The following LRRC4C variants were observed in gnomAD, a reference collection of about 807,000 sequenced individuals.
The protein encoded by LRRC4C is leucine-rich repeat-containing protein 4C.
A neutral mutation model predicts 33.6 loss-of-function variants in LRRC4C; 5 were observed. The ratio of observed to expected loss-of-function variants is 0.15; its 90% CI spans 0.08 to 0.31. The LOEUF (loss-of-function observed/expected upper bound fraction) is 0.31. Ranked by LOEUF, LRRC4C falls within the 10% of genes least tolerant of loss-of-function variation. LRRC4C has a pLI of 1.00. For missense variants in LRRC4C, 560 were observed against 796.7 expected (o/e 0.70, Z 3.58); for synonymous variants, 329 against 302.0 (o/e 1.09, Z -0.93).
intron 1 of LRRC4C, among the ~76,000 whole-genome samples, chr11:41,219,214 T>C (rs920594955): frequency 6.6e-6 from 1 of 152,090 alleles, no homozygotes; most frequent in Non-Finnish European, 1.5e-5. Context: ...GACATTATAG[T>C]ACAGACACAA....
chr11:40,309,799 G>T (rs1041409721), intron 4 of LRRC4C, among the ~76,000 whole-genome samples: 3 of 152,094 alleles, frequency 2.0e-5, no homozygotes, highest in East Asian at 1.9e-4. Context: ...GAGACACCAT[G>T]CCCCACCAAA....
At chr11:40,931,477 T>C (rs1957620093) in intron 2 of LRRC4C, among the ~76,000 whole-genome samples, 1 of 152,156 alleles carries the variant, frequency 6.6e-6, no homozygotes. Context: ...TTTTATGTTG[T>C]CCCTTTTGTG....
chr11:40,835,683 A>T (rs1350782976), intron 2 of LRRC4C, among the ~76,000 whole-genome samples: 1 of 152,206 alleles, frequency 6.6e-6, no homozygotes, highest in African/African-American at 2.4e-5. Flanking sequence ...AATTCTAGAT[A>T]TCACAAAGAA....
At chr11:40,646,604 C>T (rs1046364598) in intron 3 of LRRC4C, among the ~76,000 whole-genome samples, 15 of 152,076 alleles carry the variant, frequency 9.9e-5, no homozygotes, top group African/African-American at 1.4e-4. Flanking sequence ...AGATTCAAAT[C>T]TTCTCTCTCT....
intron 2 of LRRC4C, among the ~76,000 whole-genome samples, chr11:40,837,342 A>T (rs896653751): frequency 6.6e-6 from 1 of 152,152 alleles, no homozygotes; most frequent in African/African-American, 2.4e-5. Flanking sequence ...GAAATTGCAT[A>T]ATGCTTATTT....
intron 3 of LRRC4C, among the ~76,000 whole-genome samples, chr11:40,531,560 T>C (rs1956273058): frequency 6.6e-6 from 1 of 152,140 alleles, no homozygotes; most frequent in African/African-American, 2.4e-5. Context: ...ATTTAGAACT[T>C]GGTTTCAGTT....
At chr11:40,936,540 G>A (rs964296937) in intron 1 of LRRC4C, among the ~76,000 whole-genome samples, 6 of 151,628 alleles carry the variant, frequency 4.0e-5, no homozygotes, top group African/African-American at 1.5e-4. Flanking sequence ...GTTTCACCAT[G>A]TTCGCCAGGA....
chr11:40,904,816 T>C (rs1207786460), intron 2 of LRRC4C, among the ~76,000 whole-genome samples: 1 of 152,148 alleles, frequency 6.6e-6, no homozygotes, highest in Non-Finnish European at 1.5e-5. Context: ...CTTTATGTCT[T>C]GATTTTAGGT....
intron 1 of LRRC4C, among the ~76,000 whole-genome samples, chr11:41,009,843 C>A (rs1222507409): frequency 6.6e-6 from 1 of 151,992 alleles, no homozygotes; most frequent in Non-Finnish European, 1.5e-5. Context: ...TAGTCCTAAT[C>A]CCCAGGACTT....
intron 3 of LRRC4C, among the ~76,000 whole-genome samples, chr11:40,325,452 C>T (rs1002418968): frequency 1.6e-4 from 24 of 151,900 alleles, no homozygotes; most frequent in South Asian, 8.3e-4. Flanking sequence ...GGCAATATAG[C>T]GAGGCCCCAT....
At chr11:41,007,966 C>T (rs1035660490) in intron 1 of LRRC4C, among the ~76,000 whole-genome samples, 8 of 152,074 alleles carry the variant, frequency 5.3e-5, no homozygotes, top group African/African-American at 1.9e-4. Context: ...CCATCTTATT[C>T]TTTCATATTC....
At position 40,184,531 on chromosome 11, in the gene LRRC4C, G is replaced by A. The variant is rs181636825; in HGVS notation, c.-95-43678C>T. On this transcript the variant is annotated intron_variant, in intron 5 of 6. Transcript: ENST00000528697. ...CAACAAGTTAGAAATATGGAGCCAG[G>A]AGACTTGTAGAAATGAAAACTTCAC... Among the ~76,000 whole-genome samples the A allele has an allele frequency of 1.1e-4, 17 of 152,278 alleles. No homozygotes were observed. The East Asian group carries it at 1.9e-3, about 17-fold the overall frequency.
intron 4 of LRRC4C, among the ~76,000 whole-genome samples, chr11:40,311,557 G>A (rs1458932085): frequency 6.6e-6 from 1 of 152,150 alleles, no homozygotes; most frequent in Non-Finnish European, 1.5e-5. Context: ...ATTCTCAGCT[G>A]AAATATGCTG....
At chr11:41,087,211 T>C (rs1940063649) in intron 1 of LRRC4C, among the ~76,000 whole-genome samples, 2 of 152,162 alleles carry the variant, frequency 1.3e-5, no homozygotes, top group South Asian at 4.1e-4. Flanking sequence ...TTTTCCATTT[T>C]TCCCCATTCC....
chr11:40,491,508 A>C (rs1207197126), intron 3 of LRRC4C, among the ~76,000 whole-genome samples: 2 of 152,054 alleles, frequency 1.3e-5, no homozygotes, highest in Non-Finnish European at 2.9e-5. Flanking sequence ...TTCTCTTTCA[A>C]TTTCACCATC....
At chr11:40,995,705 T>C (rs1853920491) in intron 1 of LRRC4C, among the ~76,000 whole-genome samples, 1 of 152,140 alleles carries the variant, frequency 6.6e-6, no homozygotes, top group Non-Finnish European at 1.5e-5. Context: ...TTCTTTCATA[T>C]AAAAGCAGAA....
intron 4 of LRRC4C, among the ~76,000 whole-genome samples, chr11:40,304,712 T>C (rs918268039): frequency 6.6e-6 from 1 of 151,828 alleles, no homozygotes. Context: ...CTTCAAATTC[T>C]CAACTTCTTT....
At chr11:40,552,096 C>T (rs897370835) in intron 3 of LRRC4C, among the ~76,000 whole-genome samples, 1 of 152,174 alleles carries the variant, frequency 6.6e-6, no homozygotes, top group Non-Finnish European at 1.5e-5. Context: ...GGTCTCCAGC[C>T]TGCAGGCCTA....
At chr11:40,440,644 A>C (rs532659086) in intron 3 of LRRC4C, among the ~76,000 whole-genome samples, 5 of 152,274 alleles carry the variant, frequency 3.3e-5, no homozygotes, top group South Asian at 4.1e-4. Context: ...TTTTCTATTG[A>C]GGGACATTAT....
Sources: gnomAD v4.1 joint callset for allele counts (sites outside exome capture counted in the v4.1 genomes callset) on GRCh38, gnomAD v4.1.1 for gene constraint, MANE v1.5 for transcripts, NCBI Gene and HGNC (gene_info 2026-07-23, HGNC 2026-07-21) for gene names.